The following BAIAP2 variants were observed in gnomAD, a reference collection of about 807,000 sequenced individuals.
BAIAP2 encodes the protein BAR/IMD domain containing adaptor protein 2, also known as BAR/IMD domain-containing adapter protein 2.
In BAIAP2, 18 loss-of-function variants were observed where a neutral mutation model predicts 63.0. That is an observed-to-expected ratio of 0.29 (90% confidence interval 0.20 to 0.42). BAIAP2 has a LOEUF of 0.42. BAIAP2 is among the 10% of genes least tolerant of loss of function. BAIAP2 has a pLI of 1.00. For synonymous variants in BAIAP2, 386 were observed against 307.6 expected (o/e 1.25, Z -2.67); for missense variants, 610 against 734.3 (o/e 0.83, Z 1.96).
At chr17:81,074,464 G>A (rs1444953381) in intron 3 of BAIAP2, among the ~76,000 whole-genome samples, 1 of 151,938 alleles carries the variant, frequency 6.6e-6, no homozygotes, top group African/African-American at 2.4e-5. Context: ...GCCAGTGTGT[G>A]TGCATGCACG....
intron 6 of BAIAP2, among the ~76,000 whole-genome samples, chr17:81,094,094 C>T (rs1381331319): frequency 6.6e-6 from 1 of 152,166 alleles, no homozygotes; most frequent in African/African-American, 2.4e-5. Flanking sequence ...CCCTCAGTGT[C>T]CCCGGGGCCA....
At chr17:81,099,859 C>T in intron 6 of BAIAP2, 69 bp from the exon 7 acceptor site, 1 of 1,554,792 alleles carries the variant, frequency 6.4e-7, no homozygotes, top group Non-Finnish European at 8.8e-7. Context: ...GTCCGTGGGG[C>T]TGCCCCAAAC....
rs1339516863 is a variant in BAIAP2 at position 81,086,501 on chromosome 17, G to A, written c.410G>A (p.Cys137Tyr). Residue 137 changes from cysteine to tyrosine, a missense_variant, in exon 6 of 14, where the codon TGT (cysteine) becomes TAT (tyrosine). Around this residue, in one of 5 missense-constraint regions of BAIAP2, gnomAD observed 389 missense variants for 455.6 expected, o/e 0.85. Transcript: ENST00000428708. Reference sequence around the variant, plus strand: ...AGCAAAGGCGACGCCCTGGACAAGTGTCAGGCTGAGCTGAAGAAGCTTCGG... The same window carrying A: ...AGCAAAGGCGACGCCCTGGACAAGTATCAGGCTGAGCTGAAGAAGCTTCGG... ...QRSKGDALDK[C>Y]QAELKKLRKK... is the part of the protein sequence containing the mutation. 6.2e-7 allele frequency: 1 copy of A among 1,613,944 alleles called. No homozygotes were observed. Among genetic ancestry groups the A allele is most frequent in the African/African-American group, 1.3e-5 (1 of 74,936 alleles).
chr17:81,093,580 C>T (rs992827521), intron 6 of BAIAP2, among the ~76,000 whole-genome samples: 12 of 152,042 alleles, frequency 7.9e-5, no homozygotes, highest in Admixed American at 6.5e-5. Context: ...TCCGTAGCAC[C>T]GGCAGGATCA....
chr17:81,116,460 C>T lies in BAIAP2; in HGVS notation c.*621C>T, dbSNP rs1447677813. On this transcript the variant is annotated 3_prime_UTR_variant, in exon 14 of 14. Coordinates refer to ENST00000428708, the MANE Select transcript of BAIAP2 (RefSeq NM_001144888.2). ...CTCCCCAGGCCCCTCCTGCCTCGGG[C>T]AGGCCCCAGCCCTCCTCCTTACCCA... 3 of 985,588 alleles carry T rather than the reference C, an allele frequency of 3.0e-6. No homozygotes were observed. The highest frequency in any genetic ancestry group is 2.9e-6 in the Non-Finnish European group (2 of 682,022). The allele number at this position is 985,588 out of a possible 1,614,324, so 61.1% of individuals were successfully genotyped here. A position where few individuals can be genotyped will look rare whatever the true frequency, so the allele number is the denominator to read the frequency against.
At chr17:81,077,236 G>C (rs947791396) in intron 3 of BAIAP2, among the ~76,000 whole-genome samples, 1 of 152,170 alleles carries the variant, frequency 6.6e-6, no homozygotes, top group African/African-American at 2.4e-5. Context: ...TGCTGACGAT[G>C]CCACAGTTGT....
At chr17:81,109,872 C>G (rs533829691) in intron 13 of BAIAP2, 4 of 985,346 alleles carry the variant, frequency 4.1e-6, no homozygotes, top group East Asian at 2.3e-4. Flanking sequence ...GGCTACCTGG[C>G]TGCTCTGGGC....
In BAIAP2 at chr17:81,046,203, A is replaced by G. The variant is rs1313134072; in HGVS notation, c.55-7465A>G. 6.6e-6 allele frequency among the ~76,000 whole-genome samples: 1 copy of G among 152,020 alleles called. No homozygotes were observed. Among genetic ancestry groups the G allele is most frequent in the Non-Finnish European group, 1.5e-5 (1 of 67,952 alleles). ...GATCCCGTTCTGCAGGCTCCAGCCC[A>G]CCTTCAGGCCCCCGTCCTAACCCTG... is the stretch of plus-strand genomic sequence containing the variant. On this transcript the variant is annotated intron_variant, in intron 1 of 13. Transcript: ENST00000428708. The surrounding 1 kb of genome is among the most constrained non-coding windows in gnomAD (Gnocchi z 4.5).
intron 1 of BAIAP2, among the ~76,000 whole-genome samples, chr17:81,044,880 G>C (rs1256511079): frequency 6.6e-6 from 1 of 152,232 alleles, no homozygotes; most frequent in Admixed American, 6.5e-5. Context: ...CAGCCGGAAT[G>C]CACCGTCCCG....
At chr17:81,085,455 CT>C in intron 4 of BAIAP2, 198 bp from the exon 5 acceptor site, 1 of 695,618 alleles carries the variant, frequency 1.4e-6, no homozygotes, top group Non-Finnish European at 2.6e-6. Flanking sequence ...TTCCAGACTC[CT>C]GTTCAGCACT....
At chr17:81,051,423 CAG>C (rs1568076949) in intron 1 of BAIAP2, among the ~76,000 whole-genome samples, 3 of 152,172 alleles carry the variant, frequency 2.0e-5, no homozygotes, top group Admixed American at 2.0e-4. Context: ...TTTTTTGAGA[CAG>C]AGTCTCACTC....
Position 81,110,799 on chromosome 17 carries a change from C to T in BAIAP2, c.1535+2290C>T, listed in dbSNP as rs775415846. On this transcript the variant is annotated intron_variant, in intron 13 of 13. Transcript: ENST00000428708. ...CAGAGCCCCAGCTGTGTGCCGACTC[C>T]GAGTGCTCCAGGGTTCTAGGTCTCC... is the stretch of plus-strand genomic sequence containing the variant. The T allele has an allele frequency of 2.9e-4, 401 of 1,400,706 alleles. 1 individual carries two copies. Among genetic ancestry groups the T allele is most frequent in the Non-Finnish European group, 3.6e-4 (353 of 990,610 alleles). 86.8% of individuals were successfully genotyped at this position (1,400,706 alleles called of 1,614,324 possible). A position where few individuals can be genotyped will look rare whatever the true frequency, so the allele number is the denominator to read the frequency against.
chr17:81,093,106 G>A (rs1210315667), intron 6 of BAIAP2, among the ~76,000 whole-genome samples: 2 of 148,362 alleles, frequency 1.3e-5, no homozygotes, highest in Non-Finnish European at 3.0e-5. Flanking sequence ...GGGCTGGGCT[G>A]GGCTGGGCTG....
chr17:81,047,264 C>T (rs1390817636), intron 1 of BAIAP2, among the ~76,000 whole-genome samples: 1 of 152,148 alleles, frequency 6.6e-6, no homozygotes. Flanking sequence ...ACTCTGGGCT[C>T]CACCAAGAGC....
chr17:81,108,526 A>C lies in BAIAP2; in HGVS notation c.1535+17A>C. ...CATGAGCAGGTAAGGGGACTTTCAG[A>C]CCTGTCTTTGGGACCGTGGGTGGGT... On this transcript the variant is annotated intron_variant, in intron 13 of 13. Transcript: ENST00000428708. The C allele has an allele frequency of 6.2e-7, 1 of 1,613,706 alleles. No homozygotes were observed. The highest frequency in any genetic ancestry group is 1.7e-5 in the Admixed American group (1 of 60,018).
intron 3 of BAIAP2, among the ~76,000 whole-genome samples, chr17:81,060,851 G>T (rs375061502): frequency 1.3e-5 from 2 of 152,260 alleles, no homozygotes; most frequent in East Asian, 1.9e-4. Context: ...GGCCGGGCGC[G>T]GTGGCTCACA....
chr17:81,068,231 G>T (rs994842519), intron 3 of BAIAP2, among the ~76,000 whole-genome samples: 1 of 152,236 alleles, frequency 6.6e-6, no homozygotes, highest in Non-Finnish European at 1.5e-5. Context: ...TTTGGAGCGA[G>T]TCAGTGGCTG....
rs892023350 is a variant in BAIAP2, at chr17:81,050,723, A to G, written c.55-2945A>G. Among the ~76,000 whole-genome samples the G allele has an allele frequency of 1.3e-3, 23 of 17,662 alleles. 1 individual carries two copies. Among genetic ancestry groups the G allele is most frequent in the Admixed American group, 7.3e-3 (18 of 2,462 alleles). 11.6% of individuals were successfully genotyped at this position (17,662 alleles called of 152,430 possible). A position where few individuals can be genotyped will look rare whatever the true frequency, so the allele number is the denominator to read the frequency against. On this transcript the variant is annotated intron_variant, in intron 1 of 13. Transcript: ENST00000428708. ...GCTGCAGCTCAGCACACACACGCAC[A>G]CAAATGTGCACATGCACACGTGGAC... is the stretch of plus-strand genomic sequence containing the variant.
chr17:81,040,031 C>T (rs1162840354), intron 1 of BAIAP2, among the ~76,000 whole-genome samples: 1 of 151,530 alleles, frequency 6.6e-6, no homozygotes, highest in African/African-American at 2.4e-5. Context: ...TCCACCCAGC[C>T]TTGCATGGCC....
Sources: gnomAD v4.1 joint callset for allele counts (sites outside exome capture counted in the v4.1 genomes callset) on GRCh38, gnomAD v4.1.1 for gene constraint, gnomAD v4.1.1 regional missense constraint, Gnocchi (gnomAD v3.1) non-coding constraint, MANE v1.5 for transcripts, NCBI Gene and HGNC (gene_info 2026-07-23, HGNC 2026-07-21) for gene names.